Variants in SV2C observed in about 807,000 individuals in gnomAD.
SV2C encodes the protein synaptic vesicle glycoprotein 2C.
A neutral mutation model predicts 79.7 loss-of-function variants in SV2C; 49 were observed. That is an observed-to-expected ratio of 0.61 (90% CI 0.49 to 0.78). The LOEUF is 0.78. SV2C is among the 30% of genes least tolerant of loss of function. The probability of loss-of-function intolerance (pLI) is 0.00; values close to 1 mark genes in which losing one functional copy is unlikely to be tolerated. For missense variants in SV2C, 833 were observed against 912.9 expected (o/e 0.91, Z 1.13); for synonymous variants, 334 against 333.2 (o/e 1.00, Z -0.03).
At chr5:75,950,347 A>G in the SV2C span, among the ~76,000 whole-genome samples, 3 of 152,078 alleles carry the variant, frequency 2.0e-5, no homozygotes, top group Non-Finnish European at 4.4e-5. Context: ...CCAATACACA[A>G]TATTCTATGG....
At chr5:76,017,827 C>G in the SV2C span, among the ~76,000 whole-genome samples, 1 of 152,190 alleles carries the variant, frequency 6.6e-6, no homozygotes. Flanking sequence ...CAGATGCATT[C>G]ATGCAAGATT....
intron 1 of SV2C, among the ~76,000 whole-genome samples, chr5:76,127,101 G>C (rs1344161466): frequency 2.0e-5 from 3 of 152,184 alleles, no homozygotes; most frequent in Non-Finnish European, 4.4e-5. Context: ...GCATCCAGAA[G>C]ATTCTAGAAC....
chr5:75,943,686 T>C, the SV2C span, among the ~76,000 whole-genome samples: 2 of 152,174 alleles, frequency 1.3e-5, no homozygotes. Context: ...CTCTTGACTT[T>C]AGTTTTATTG....
the SV2C span, among the ~76,000 whole-genome samples, chr5:75,890,529 G>A: frequency 3.3e-5 from 5 of 152,050 alleles, no homozygotes; most frequent in East Asian, 1.9e-4. Context: ...ATAAAAGAAA[G>A]GAAAAAGAAC....
chr5:76,191,482 G>A (rs1484086354), intron 2 of SV2C, among the ~76,000 whole-genome samples: 4 of 152,150 alleles, frequency 2.6e-5, no homozygotes, highest in Non-Finnish European at 5.9e-5. Context: ...CTAAAAGTTG[G>A]TATGAGAAAA....
At chr5:76,009,202 A>G in the SV2C span, among the ~76,000 whole-genome samples, 1 of 152,188 alleles carries the variant, frequency 6.6e-6, no homozygotes, top group Non-Finnish European at 1.5e-5. Context: ...TGCAAATTAA[A>G]ACAATGAGAT....
intron 4 of SV2C, among the ~76,000 whole-genome samples, chr5:76,223,861 A>G (rs1326551283): frequency 6.6e-6 from 1 of 152,036 alleles, no homozygotes; most frequent in East Asian, 1.9e-4. Context: ...CAAGATTAAC[A>G]TGTCGGCTGA....
At chr5:76,222,667 A>G (rs1471256112) in intron 4 of SV2C, among the ~76,000 whole-genome samples, 1 of 152,252 alleles carries the variant, frequency 6.6e-6, no homozygotes, top group Non-Finnish European at 1.5e-5. Flanking sequence ...GGGAAACTGG[A>G]TGAAGTGTAC....
chr5:76,029,268 A>T, the SV2C span, among the ~76,000 whole-genome samples: 1 of 152,228 alleles, frequency 6.6e-6, no homozygotes, highest in Non-Finnish European at 1.5e-5. Context: ...ATTTTCAAAA[A>T]TACAATACAT....
Position 76,116,464 on chromosome 5 carries a change from C to A in SV2C, c.-101-15186C>A, listed in dbSNP as rs534936578. ...GAAGCAGAATTGTTGAGGGAAGTCC[C>A]CCCTCTGCCTTCTGCTCTTCCCAGT... On this transcript the variant is annotated intron_variant, in intron 1 of 12. Coordinates refer to ENST00000502798, the MANE Select transcript of SV2C (RefSeq NM_014979.4). 1.9e-4 allele frequency among the ~76,000 whole-genome samples: 29 copies of A among 152,280 alleles called. No homozygotes were observed. In the South Asian group the frequency reaches 6.0e-3, roughly 32 times the overall value.
chr5:76,182,340 T>C (rs1430671945), intron 2 of SV2C, among the ~76,000 whole-genome samples: 1 of 152,208 alleles, frequency 6.6e-6, no homozygotes, highest in Admixed American at 6.5e-5. Flanking sequence ...GAATCCTTAA[T>C]GTGAACTTCA....
At chr5:75,941,389 T>C in the SV2C span, among the ~76,000 whole-genome samples, 1 of 152,206 alleles carries the variant, frequency 6.6e-6, no homozygotes. Context: ...CTATAGCCAA[T>C]ATCTACATTA....
the SV2C span, among the ~76,000 whole-genome samples, chr5:76,005,134 T>G: frequency 6.6e-6 from 1 of 152,216 alleles, no homozygotes; most frequent in Non-Finnish European, 1.5e-5. Flanking sequence ...TGAGGTGACT[T>G]GTAGCTAATA....
At chr5:76,282,364 G>A (rs1006552080) in intron 4 of SV2C, among the ~76,000 whole-genome samples, 2 of 152,222 alleles carry the variant, frequency 1.3e-5, no homozygotes, top group African/African-American at 2.4e-5. Context: ...GGACTCCAAA[G>A]TCAGCCACTC....
the SV2C span, among the ~76,000 whole-genome samples, chr5:75,957,047 C>G: frequency 2.6e-5 from 4 of 151,942 alleles, no homozygotes; most frequent in Non-Finnish European, 4.4e-5. Flanking sequence ...CATGAACACA[C>G]TCCGTCATTT....
chr5:76,210,106 GA>G (rs1396558868), intron 4 of SV2C, among the ~76,000 whole-genome samples: 5 of 152,180 alleles, frequency 3.3e-5, no homozygotes, highest in African/African-American at 1.2e-4. Context: ...GTAATGGGGG[GA>G]AAATATTTTC....
intron 4 of SV2C, among the ~76,000 whole-genome samples, chr5:76,229,541 A>G (rs1052868947): frequency 1.3e-5 from 2 of 152,178 alleles, no homozygotes; most frequent in Non-Finnish European, 2.9e-5. Context: ...TCCCACCTTC[A>G]TGCTCACCTG....
At chr5:76,273,162 TATATATATAC>T (rs58773853) in intron 4 of SV2C, among the ~76,000 whole-genome samples, 13,842 of 147,022 alleles carry the variant, frequency 0.094, 652 homozygotes, top group Admixed American at 0.11. Flanking sequence ...TATATATATA[TATATATATAC>T]ACACATATAT....
At chr5:76,228,008 G>A (rs1175940046) in intron 4 of SV2C, among the ~76,000 whole-genome samples, 1 of 152,080 alleles carries the variant, frequency 6.6e-6, no homozygotes, top group Admixed American at 6.6e-5. Context: ...CAAGATTATT[G>A]TAATTGAAAT....
Sources: allele counts gnomAD v4.1 joint callset (sites outside exome capture counted in the v4.1 genomes callset), GRCh38; gene constraint gnomAD v4.1.1; transcripts MANE v1.5; gene names NCBI Gene and HGNC (gene_info 2026-07-23, HGNC 2026-07-21).